The following EYS variants were observed in gnomAD, a reference collection of about 807,000 sequenced individuals.
EYS encodes protein eyes shut homolog.
EYS carries 250 observed loss-of-function variants against 282.1 expected under a neutral mutation model. That is an observed-to-expected ratio of 0.89 (90% CI 0.80 to 0.98). EYS has a LOEUF of 0.98. Ranked by LOEUF, EYS falls within the 50% of genes least tolerant of loss-of-function variation. The probability of loss-of-function intolerance (pLI) is 0.00; values close to 1 mark genes in which losing one functional copy is unlikely to be tolerated. For synonymous variants in EYS, 1,355 were observed against 1,282.9 expected (o/e 1.06, Z -1.20); for missense variants, 4,016 against 3,709.0 (o/e 1.08, Z -2.15).
chr6:65,207,308 C>T (rs1366966599), intron 12 of EYS, among the ~76,000 whole-genome samples: 2 of 150,840 alleles, frequency 1.3e-5, no homozygotes, highest in Non-Finnish European at 3.0e-5. Flanking sequence ...CCTAGGAATA[C>T]ACTTAAAGAA....
chr6:63,857,531 G>T, intron 36 of EYS: 1 of 259,242 alleles, frequency 3.9e-6, no homozygotes, highest in South Asian at 4.5e-5. Flanking sequence ...TGACATGCAC[G>T]CAATTGCTAG....
At chr6:65,356,033 C>T (rs988237) in intron 8 of EYS, among the ~76,000 whole-genome samples, 102,444 of 151,924 alleles carry the variant, frequency 0.67, 34,631 homozygotes, top group South Asian at 0.71. Flanking sequence ...CACAAGTATG[C>T]TTAGATTCAT....
In EYS at chr6:63,920,093, T is replaced by C. The variant is rs151092070; in HGVS notation, c.7056-55735A>G. On this transcript the variant is annotated intron_variant, in intron 35 of 42. Transcript: ENST00000503581. The stretch of plus-strand genomic sequence containing the variant: ...TGTGTGTATCTGTGTGTAGTTTTAG[T>C]AACGCACTTACAGTTTTAGTAAAAT... 1.9e-4 allele frequency among the ~76,000 whole-genome samples: 29 copies of C among 152,342 alleles called. No individual in the cohort carries two copies. The East Asian group carries it at 5.6e-3, about 29-fold the overall frequency.
chr6:63,724,734 A>T (rs1768546981), intron 42 of EYS, among the ~76,000 whole-genome samples: 1 of 152,164 alleles, frequency 6.6e-6, no homozygotes, highest in Admixed American at 6.5e-5. Context: ...ACTTGAGAGT[A>T]CTCAAATTAT....
At chr6:65,561,498 C>T (rs1769056738) in intron 2 of EYS, among the ~76,000 whole-genome samples, 1 of 151,902 alleles carries the variant, frequency 6.6e-6, no homozygotes. Flanking sequence ...TTTTGTTGAC[C>T]TAATTGTTCA....
intron 8 of EYS, among the ~76,000 whole-genome samples, chr6:65,360,685 C>G (rs1246198017): frequency 6.6e-6 from 1 of 152,062 alleles, no homozygotes; most frequent in Non-Finnish European, 1.5e-5. Context: ...AAATATAACT[C>G]TTCTCCAACT....
At chr6:63,818,288 T>G (rs1187726844) in intron 36 of EYS, among the ~76,000 whole-genome samples, 1 of 152,236 alleles carries the variant, frequency 6.6e-6, no homozygotes. Context: ...GGGATCTGAT[T>G]TCTCTTGGTG....
intron 5 of EYS, among the ~76,000 whole-genome samples, chr6:65,461,867 C>CA (rs1199949301): frequency 2.0e-5 from 3 of 151,918 alleles, no homozygotes; most frequent in Non-Finnish European, 4.4e-5. Context: ...ATTGCCATTC[C>CA]AAAAAATGAT....
At chr6:64,994,045 A>T (rs186351088) in intron 14 of EYS, among the ~76,000 whole-genome samples, 2 of 150,988 alleles carry the variant, frequency 1.3e-5, no homozygotes, top group African/African-American at 4.9e-5. Flanking sequence ...CGAAACTAAA[A>T]TGAGAGGGGA....
chr6:65,465,226 G>A (rs966886136), intron 5 of EYS, among the ~76,000 whole-genome samples: 1 of 152,126 alleles, frequency 6.6e-6, no homozygotes, highest in African/African-American at 2.4e-5. Flanking sequence ...CACTTTGGGA[G>A]GCTGAAGAGG....
intron 31 of EYS, among the ~76,000 whole-genome samples, chr6:64,092,567 T>C (rs1457657672): frequency 6.6e-6 from 1 of 152,246 alleles, no homozygotes; most frequent in Non-Finnish European, 1.5e-5. Context: ...GAAATGTCTG[T>C]TCATATCCTT....
intron 35 of EYS, among the ~76,000 whole-genome samples, chr6:63,944,133 A>G (rs1320109858): frequency 6.6e-6 from 1 of 152,128 alleles, no homozygotes; most frequent in African/African-American, 2.4e-5. Context: ...TTTCTGTTGT[A>G]AGCTAGTTTG....
intron 22 of EYS, among the ~76,000 whole-genome samples, chr6:64,718,817 A>T (rs1267608602): frequency 6.6e-6 from 1 of 152,216 alleles, no homozygotes; most frequent in Non-Finnish European, 1.5e-5. Flanking sequence ...AATACATGTT[A>T]GATATTGTGA....
intron 15 of EYS, among the ~76,000 whole-genome samples, chr6:64,921,040 A>G (rs1170106093): frequency 6.6e-6 from 1 of 152,160 alleles, no homozygotes; most frequent in Non-Finnish European, 1.5e-5. Flanking sequence ...TATTACAAGC[A>G]ATGAGGAAAC....
intron 26 of EYS, among the ~76,000 whole-genome samples, chr6:64,570,681 A>G (rs1332043630): frequency 5.9e-5 from 9 of 152,210 alleles, no homozygotes; most frequent in African/African-American, 2.2e-4. Context: ...CAAAAAAGAC[A>G]AATAAGGGCA....
At chr6:65,452,556 TAAA>T (rs1322408443) in intron 5 of EYS, among the ~76,000 whole-genome samples, 1 of 151,960 alleles carries the variant, frequency 6.6e-6, no homozygotes, top group Non-Finnish European at 1.5e-5. Context: ...ATATTCCTAA[TAAA>T]AAATATTATG....
At chr6:64,230,851 C>G (rs993116227) in intron 30 of EYS, 27 bp from the exon 31 acceptor site, 2 of 1,380,012 alleles carry the variant, frequency 1.4e-6, no homozygotes, top group Non-Finnish European at 2.0e-6. Context: ...GACAAGAAAA[C>G]AAAATATAAG....
At chr6:64,588,023 G>A (rs374920012) in intron 26 of EYS, among the ~76,000 whole-genome samples, 38 of 152,126 alleles carry the variant, frequency 2.5e-4, no homozygotes, top group African/African-American at 9.1e-4. Context: ...TTAAGATGGA[G>A]TCTGGAAAGA....
At chr6:65,124,049 C>T (rs1775646388) in intron 12 of EYS, among the ~76,000 whole-genome samples, 1 of 152,016 alleles carries the variant, frequency 6.6e-6, no homozygotes, top group African/African-American at 2.4e-5. Flanking sequence ...TGGCATGCAC[C>T]TGTGGTCCCA....
Sources: allele counts gnomAD v4.1 joint callset (sites outside exome capture counted in the v4.1 genomes callset), GRCh38; gene constraint gnomAD v4.1.1; transcripts MANE v1.5; gene names NCBI Gene and HGNC (gene_info 2026-07-23, HGNC 2026-07-21).